Variants in RPSA2 observed in about 807,000 individuals in gnomAD.
The protein encoded by RPSA2 is ribosomal protein SA 2, also known as small ribosomal subunit protein uS2B.
chr19:23,854,362 C>T, the RPSA2 span, among the ~76,000 whole-genome samples: 5 of 152,298 alleles, frequency 3.3e-5, no homozygotes, highest in Middle Eastern at 3.4e-3. Flanking sequence ...CTGCTCCACC[C>T]CCCTACTGTG....
chr19:23,794,125 A>G, the RPSA2 span, among the ~76,000 whole-genome samples: 71,550 of 152,012 alleles, frequency 0.47, 17,367 homozygotes, highest in Admixed American at 0.58. Context: ...AGTTGATTCC[A>G]TGTCTTTGTT....
chr19:23,781,972 C>G, the RPSA2 span: 86 of 155,094 alleles, frequency 5.5e-4, no homozygotes, highest in East Asian at 0.016. Flanking sequence ...GGGTGTTGCA[C>G]CCAGGTGGTT....
At chr19:23,792,983 A>G in the RPSA2 span, among the ~76,000 whole-genome samples, 2 of 152,194 alleles carry the variant, frequency 1.3e-5, no homozygotes, top group East Asian at 1.9e-4. Flanking sequence ...TAGGAGGGAC[A>G]TAAAATGGGG....
the RPSA2 span, among the ~76,000 whole-genome samples, chr19:23,845,683 C>A: frequency 1.3e-5 from 2 of 152,040 alleles, no homozygotes; most frequent in Admixed American, 6.6e-5. Context: ...TGTAGCAATG[C>A]GGTTTTTGCA....
the RPSA2 span, among the ~76,000 whole-genome samples, chr19:23,863,882 A>G: frequency 2.6e-5 from 4 of 152,216 alleles, no homozygotes; most frequent in African/African-American, 9.7e-5. Context: ...ATGACCACAC[A>G]CCATCTGCTC....
At chr19:23,829,808 ATTC>A in the RPSA2 span, among the ~76,000 whole-genome samples, 1 of 152,128 alleles carries the variant, frequency 6.6e-6, no homozygotes, top group African/African-American at 2.4e-5. Context: ...AATGATTTCT[ATTC>A]TTTTATTGTT....
chr19:23,818,680 C>T, the RPSA2 span: 1 of 152,318 alleles, frequency 6.6e-6, no homozygotes, highest in Non-Finnish European at 1.5e-5. Flanking sequence ...CATGATCCAT[C>T]TGCCCATGTG....
chr19:23,799,940 CT>C, the RPSA2 span, among the ~76,000 whole-genome samples: 2 of 151,672 alleles, frequency 1.3e-5, no homozygotes, highest in African/African-American at 4.8e-5. Flanking sequence ...TGGTAACCAT[CT>C]TTATGTCTTT....
chr19:23,786,150 G>A, the RPSA2 span, among the ~76,000 whole-genome samples: 1 of 152,176 alleles, frequency 6.6e-6, no homozygotes, highest in African/African-American at 2.4e-5. Flanking sequence ...TGGGCTTAGG[G>A]CCAGAGTAAA....
chr19:23,773,578 G>A, the RPSA2 span, among the ~76,000 whole-genome samples: 2 of 152,064 alleles, frequency 1.3e-5, no homozygotes, highest in African/African-American at 4.8e-5. Context: ...CACCACAGCC[G>A]GCCTGGAGAT....
chr19:23,773,257 TG>T, the RPSA2 span, among the ~76,000 whole-genome samples: 1 of 138,272 alleles, frequency 7.2e-6, no homozygotes, highest in African/African-American at 2.7e-5. Context: ...CCACCACGCC[TG>T]GCTAATTTGA....
At chr19:23,866,568 G>A in the RPSA2 span, among the ~76,000 whole-genome samples, 2 of 142,906 alleles carry the variant, frequency 1.4e-5, no homozygotes, top group East Asian at 2.0e-4. Flanking sequence ...TGTAACAAAG[G>A]AAATCATTGG....
At chr19:23,765,982 G>T in the RPSA2 span, among the ~76,000 whole-genome samples, 1 of 5,914 alleles carries the variant, frequency 1.7e-4, no homozygotes, top group African/African-American at 1.8e-4. Context: ...TACATAAAAA[G>T]ACATAAGGTA....
chr19:23,828,936 GACACACACACACACACACAC>G, the RPSA2 span, among the ~76,000 whole-genome samples: 1 of 148,278 alleles, frequency 6.7e-6, no homozygotes, highest in Non-Finnish European at 1.5e-5. Flanking sequence ...CCTAATGTGA[GACACACACACACACACACAC>G]ACACACACAC....
At chr19:23,843,392 G>A in the RPSA2 span, among the ~76,000 whole-genome samples, 2 of 152,300 alleles carry the variant, frequency 1.3e-5, no homozygotes, top group Non-Finnish European at 2.9e-5. Context: ...TTCCTAAAAA[G>A]CCATTTTGTT....
At chr19:23,827,311 T>A in the RPSA2 span, 2 of 1,561,092 alleles carry the variant, frequency 1.3e-6, no homozygotes, top group Non-Finnish European at 1.7e-6. Context: ...ATATCATAAA[T>A]CTCAAGAGGA....
the RPSA2 span, among the ~76,000 whole-genome samples, chr19:23,763,341 G>GC: frequency 2.0e-5 from 3 of 152,234 alleles, no homozygotes; most frequent in Non-Finnish European, 4.4e-5. Context: ...CATGTCTGGA[G>GC]CCCCCTGAGC....
chr19:23,800,526 A>T, the RPSA2 span, among the ~76,000 whole-genome samples: 136 of 152,320 alleles, frequency 8.9e-4, no homozygotes, highest in Middle Eastern at 3.4e-3. Flanking sequence ...CTGTCACCTA[A>T]ATATGCAGGC....
the RPSA2 span, among the ~76,000 whole-genome samples, chr19:23,819,733 G>A: frequency 2.0e-5 from 3 of 152,128 alleles, no homozygotes; most frequent in Non-Finnish European, 4.4e-5. Flanking sequence ...TTGTTTGGTG[G>A]GGGTGTACCT....
Sources: allele counts gnomAD v4.1 joint callset (sites outside exome capture counted in the v4.1 genomes callset), GRCh38; gene constraint gnomAD v4.1.1; transcripts MANE v1.5; gene names NCBI Gene and HGNC (gene_info 2026-07-23, HGNC 2026-07-21).